DHRSX: variants seen among roughly 807,000 people sequenced by gnomAD.
The protein encoded by DHRSX is dehydrogenase/reductase X-linked, also known as polyprenol dehydrogenase.
DHRSX carries 31 observed loss-of-function variants against 34.0 expected under a neutral mutation model. The observed-to-expected ratio is 0.91, with a 90% CI of 0.69 to 1.23. The LOEUF is 1.23. DHRSX is among the 50% of genes most tolerant of loss of function. DHRSX has a pLI of 0.00. For missense variants in DHRSX, 414 were observed against 428.1 expected, an observed-to-expected ratio of 0.97 and a Z score of 0.29; for synonymous variants, 201 against 183.8, an observed-to-expected ratio of 1.09 and a Z score of -0.76.
At chrX:2,308,390 T>C (rs962540515) in intron 3 of DHRSX, among the ~76,000 whole-genome samples, 2 of 149,556 alleles carry the variant, frequency 1.3e-5, no homozygotes, top group Non-Finnish European at 2.9e-5. Context: ...TGTTCGACAA[T>C]TGTTCGACAA....
chrX:2,336,069 G>A lies in DHRSX; in HGVS notation c.287-44466C>T, dbSNP rs749700354. On this transcript the variant is annotated intron_variant, in intron 3 of 6. Transcript: ENST00000334651. ...CTCTGGTACCAGGGAGTGCAGTGGC[G>A]TGATCTCGGCTCACTGCAACCTCCG... Among the ~76,000 whole-genome samples, 6 of 151,844 alleles carry A rather than the reference G, an allele frequency of 4.0e-5. No individual in the cohort carries two copies. In the South Asian group the frequency reaches 8.3e-4, roughly 21 times the overall value.
chrX:2,489,605 G>A lies in DHRSX; in HGVS notation c.109+11212C>T. 2.5e-6 allele frequency: 4 copies of A among 1,612,624 alleles called. No homozygotes were observed. In the South Asian group the frequency reaches 3.3e-5, roughly 13 times the overall value. On this transcript the variant is annotated intron_variant, in intron 1 of 6. Coordinates refer to ENST00000334651, the MANE Select transcript of DHRSX (RefSeq NM_145177.3). ...GTTGCTGTCCTCCACCAAGACCCCG[G>A]CGATGACGAACTGCTGCTCCTTGAG...
intron 1 of DHRSX, among the ~76,000 whole-genome samples, chrX:2,437,978 C>T (rs920050428): frequency 1.2e-4 from 18 of 148,664 alleles, no homozygotes; most frequent in Non-Finnish European, 2.2e-4. Flanking sequence ...GAAGGCTTCA[C>T]GAGCCTGTGT....
intron 1 of DHRSX, among the ~76,000 whole-genome samples, chrX:2,429,303 T>C (rs2043888059): frequency 6.6e-6 from 1 of 152,174 alleles, no homozygotes; most frequent in Non-Finnish European, 1.5e-5. Context: ...TGTGTATGTA[T>C]ACATGTGTGT....
chrX:2,408,478 A>C (rs1423160752), intron 3 of DHRSX, among the ~76,000 whole-genome samples: 1 of 152,116 alleles, frequency 6.6e-6, no homozygotes, highest in Non-Finnish European at 1.5e-5. Flanking sequence ...TGGGGAACAC[A>C]CATTTGAGTA....
At chrX:2,338,519 C>A (rs1016357296) in intron 3 of DHRSX, among the ~76,000 whole-genome samples, 1 of 151,774 alleles carries the variant, frequency 6.6e-6, no homozygotes, top group Admixed American at 6.6e-5. Flanking sequence ...GAGCAACGGA[C>A]GATGGATTCT....
At chrX:2,380,715 C>A (rs1473609970) in intron 3 of DHRSX, among the ~76,000 whole-genome samples, 2 of 152,120 alleles carry the variant, frequency 1.3e-5, no homozygotes, top group African/African-American at 2.4e-5. Context: ...TCCCCCCTTG[C>A]TCTCTCTTCA....
At chrX:2,465,566 G>A (rs2044479800) in intron 1 of DHRSX, among the ~76,000 whole-genome samples, 1 of 151,974 alleles carries the variant, frequency 6.6e-6, no homozygotes, top group Admixed American at 6.6e-5. Flanking sequence ...ACTTTGGGAG[G>A]CTGAGGCAGG....
chrX:2,396,381 T>C lies in DHRSX; in HGVS notation c.286+12364A>G, dbSNP rs529341636. Among the ~76,000 whole-genome samples the C allele has an allele frequency of 6.4e-5, 9 of 140,444 alleles. No individual in the cohort carries two copies. In the South Asian group the frequency reaches 1.2e-3, roughly 19 times the overall value. The allele number at this position is 140,444 out of a possible 152,430, so 92.1% of individuals were successfully genotyped here. ...TGATGCTTTCTTTCTTTTTCTTTTT[T>C]TTTTTTTTTTTTTTGAGACAGAATC... is the stretch of plus-strand genomic sequence containing the variant. On this transcript the variant is annotated intron_variant, in intron 3 of 6. Transcript: ENST00000334651.
intron 3 of DHRSX, among the ~76,000 whole-genome samples, chrX:2,403,161 G>A (rs938565860): frequency 6.6e-5 from 10 of 152,030 alleles, no homozygotes; most frequent in African/African-American, 1.9e-4. Flanking sequence ...GGGATTCAGG[G>A]GTGAGCCACC....
intron 3 of DHRSX, among the ~76,000 whole-genome samples, chrX:2,315,830 T>C (rs1396550468): frequency 6.6e-6 from 1 of 152,096 alleles, no homozygotes; most frequent in Non-Finnish European, 1.5e-5. Context: ...GGAGGCAAAA[T>C]TCAGCTTCTT....
At chrX:2,235,527 AAGGTCAAG>A (rs1394887613) in intron 6 of DHRSX, among the ~76,000 whole-genome samples, 8 of 146,708 alleles carry the variant, frequency 5.5e-5, no homozygotes, top group African/African-American at 1.8e-4. Context: ...GGCGGATCAC[AAGGTCAAG>A]AGATCAAGAC....
intron 3 of DHRSX, among the ~76,000 whole-genome samples, chrX:2,358,368 G>A (rs1429555775): frequency 6.6e-6 from 1 of 152,108 alleles, no homozygotes; most frequent in Non-Finnish European, 1.5e-5. Flanking sequence ...GCCACGTCAG[G>A]CAAAGGACAT....
At chrX:2,400,375 C>T (rs1689268243) in intron 3 of DHRSX, among the ~76,000 whole-genome samples, 1 of 152,202 alleles carries the variant, frequency 6.6e-6, no homozygotes, top group Admixed American at 6.5e-5. Flanking sequence ...AAGAAAAATT[C>T]TAGGTGTCTT....
chrX:2,324,192 A>G (rs1312881351), intron 3 of DHRSX, among the ~76,000 whole-genome samples: 1 of 152,160 alleles, frequency 6.6e-6, no homozygotes, highest in African/African-American at 2.4e-5. Context: ...ATAGGGTAAG[A>G]AGGACCCATT....
intron 4 of DHRSX, among the ~76,000 whole-genome samples, chrX:2,284,738 A>G (rs1336260877): frequency 1.3e-5 from 2 of 152,130 alleles, no homozygotes; most frequent in Non-Finnish European, 2.9e-5. Context: ...GCTCTGCAGG[A>G]GGTCTATTAT....
intron 1 of DHRSX, among the ~76,000 whole-genome samples, chrX:2,433,685 G>A (rs1402965959): frequency 1.3e-5 from 2 of 152,132 alleles, no homozygotes; most frequent in Non-Finnish European, 2.9e-5. Context: ...TTATTAGGCT[G>A]AGAATGATGC....
intron 3 of DHRSX, among the ~76,000 whole-genome samples, chrX:2,323,671 T>G (rs2042340250): frequency 6.6e-6 from 1 of 151,946 alleles, no homozygotes; most frequent in African/African-American, 2.4e-5. Flanking sequence ...TTAGACACTG[T>G]GGTGGGAAGA....
At chrX:2,237,355 G>A (rs999095145) in intron 6 of DHRSX, among the ~76,000 whole-genome samples, 3 of 152,064 alleles carry the variant, frequency 2.0e-5, no homozygotes, top group African/African-American at 7.2e-5. Context: ...GATACGAGTG[G>A]TCTACTTCAT....
Sources: gnomAD v4.1 joint callset for allele counts (sites outside exome capture counted in the v4.1 genomes callset) on GRCh38, gnomAD v4.1.1 for gene constraint, MANE v1.5 for transcripts, NCBI Gene and HGNC (gene_info 2026-07-23, HGNC 2026-07-21) for gene names.